Variants in ADGRL1 observed in about 807,000 individuals in gnomAD.
ADGRL1 encodes adhesion G protein-coupled receptor L1, also known as CIRL-1.
Under a neutral mutation model 148.9 loss-of-function variants are expected in ADGRL1, and 31 were observed. That is an observed-to-expected ratio of 0.21 (90% CI 0.16 to 0.28). The LOEUF (loss-of-function observed/expected upper bound fraction) is 0.28. Ranked by LOEUF, ADGRL1 falls within the 10% of genes least tolerant of loss-of-function variation. The probability of loss-of-function intolerance (pLI) is 1.00; values close to 1 mark genes in which losing one functional copy is unlikely to be tolerated. For synonymous variants in ADGRL1, 937 were observed against 900.3 expected (o/e 1.04, Z -0.73); for missense variants, 1,521 against 2,058.8 (o/e 0.74, Z 5.05).
intron 2 of ADGRL1, among the ~76,000 whole-genome samples, chr19:14,182,894 A>G (rs1326169758): frequency 1.3e-5 from 2 of 152,204 alleles, no homozygotes; most frequent in African/African-American, 4.8e-5. Context: ...AATGCCCTTC[A>G]TACAGGGATG....
At chr19:14,173,943 CAA>C (rs774211423) in intron 3 of ADGRL1, among the ~76,000 whole-genome samples, 415 of 32,936 alleles carry the variant, frequency 0.013, 1 homozygote, top group African/African-American at 0.045. Context: ...GACTCCGTCT[CAA>C]AAAAAAAAAA....
chr19:14,183,218 C>CGAGAGAGAGACAGA (rs1555790252), intron 2 of ADGRL1, among the ~76,000 whole-genome samples: 3 of 124,984 alleles, frequency 2.4e-5, no homozygotes, highest in African/African-American at 2.8e-5. Flanking sequence ...AGAGAGAGAG[C>CGAGAGAGAGACAGA]GAGAGAGAGA....
At chr19:14,158,088 G>A (rs1968952397) in intron 12 of ADGRL1, 36 bp from the exon 13 acceptor site, 3 of 1,608,056 alleles carry the variant, frequency 1.9e-6, no homozygotes, top group South Asian at 1.1e-5. Context: ...CATAACTAGA[G>A]TCAGAACCGG....
intron 3 of ADGRL1, among the ~76,000 whole-genome samples, chr19:14,176,783 G>A (rs1334019764): frequency 6.6e-6 from 1 of 151,906 alleles, no homozygotes; most frequent in Non-Finnish European, 1.5e-5. Flanking sequence ...CAGCTGCAGT[G>A]AGCTGTGATT....
At chr19:14,196,373 C>T (rs1972265426) in intron 1 of ADGRL1, among the ~76,000 whole-genome samples, 1 of 152,248 alleles carries the variant, frequency 6.6e-6, no homozygotes, top group Admixed American at 6.5e-5. Context: ...AATCCCAGCA[C>T]TTCAGGAGGC....
chr19:14,162,942 C>A lies in ADGRL1; in HGVS notation c.859G>T (p.Val287Leu), dbSNP rs1475940547. 6.2e-7 allele frequency: 1 copy of A among 1,613,472 alleles called. No individual in the cohort carries two copies. Among genetic ancestry groups the A allele is most frequent in the Non-Finnish European group, 8.5e-7 (1 of 1,179,854 alleles). ...AGTGTGTAGGGGTTCAGCTGGCTCA[C>A]CACCAGCCGCCCGTTGTTGCCCTCA... ...ATEGNNGRLV[V>L]SQLNPYTLRF... Residue 287 changes from valine to leucine, a missense_variant, in exon 5 of 23, where the codon GTG becomes TTG. Physicochemically the swap from Val to Leu is conservative, Grantham distance 32. Coordinates refer to ENST00000361434, the MANE Select transcript of ADGRL1 (RefSeq NM_014921.5). The surrounding 1 kb of genome is among the most constrained non-coding windows in gnomAD (Gnocchi z 5.4).
chr19:14,194,768 G>A (rs1339858140), intron 1 of ADGRL1, among the ~76,000 whole-genome samples: 1 of 151,570 alleles, frequency 6.6e-6, no homozygotes, highest in Non-Finnish European at 1.5e-5. Context: ...ACGCCTGGAC[G>A]TTCTACACCT....
chr19:14,157,228 C>T lies in ADGRL1; in HGVS notation c.2745+23G>A. ...CCCGGCCCCCAGGCGCTGGCCGTCACCTGCCCTAGAGTCCCAGCCCACCTC... is the reference window on the plus strand; with the variant it reads ...CCCGGCCCCCAGGCGCTGGCCGTCATCTGCCCTAGAGTCCCAGCCCACCTC... On this transcript the variant is annotated intron_variant, in intron 14 of 22. Transcript: ENST00000361434. This position sits in a 1 kb window ranked among gnomAD's most constrained non-coding sequence, Gnocchi z 7.5. The T allele has an allele frequency of 6.2e-7, 1 of 1,613,924 alleles. No homozygotes were observed. The highest frequency in any genetic ancestry group is 8.5e-7 in the Non-Finnish European group (1 of 1,179,934).
rs765007152 is a variant in ADGRL1, at chr19:14,158,389, G to A, written c.2313C>T (p.Ser771=). 9 of 1,613,620 alleles carry A rather than the reference G, an allele frequency of 5.6e-6. No individual in the cohort carries two copies. Among genetic ancestry groups the A allele is most frequent in the Non-Finnish European group, 7.6e-6 (9 of 1,180,020 alleles). The stretch of plus-strand genomic sequence containing the variant: ...CAGGGTCCATGAGGAAGACGCGGCT[G>A]GACTCCTTGTTGATGGATGCTGCGA... ...QVIAASINKE[S]SRVFLMDPVI... Residue 771 remains serine (S), a synonymous_variant, in exon 12 of 23, where the codon TCC becomes TCT. Coordinates refer to ENST00000361434, the MANE Select transcript of ADGRL1 (RefSeq NM_014921.5).
intron 1 of ADGRL1, among the ~76,000 whole-genome samples, chr19:14,194,881 T>TC (rs1474099314): frequency 8.4e-6 from 1 of 118,546 alleles, no homozygotes; most frequent in Non-Finnish European, 1.7e-5. Flanking sequence ...CTTTCTTCTC[T>TC]TTTTTTTTTT....
chr19:14,168,501 G>A (rs1970195502), intron 4 of ADGRL1, among the ~76,000 whole-genome samples: 1 of 152,078 alleles, frequency 6.6e-6, no homozygotes, highest in East Asian at 1.9e-4. Flanking sequence ...CCATCAGACA[G>A]GCAGCCACTC....
In ADGRL1 at chr19:14,163,147, G is replaced by C. The variant is rs1177908474; in HGVS notation, c.654C>G (p.Val218=). 2 of 1,614,008 alleles carry C rather than the reference G, an allele frequency of 1.2e-6. No homozygotes were observed. Among genetic ancestry groups the C allele is most frequent in the Non-Finnish European group, 1.7e-6 (2 of 1,180,022 alleles). The change falls in exon 5 of 23, where the codon GTC becomes GTG. Residue 218 remains valine (V), a synonymous_variant. Transcript: ENST00000361434. ...TGCGCGTGCGCTCCTTGTTGTAGAA[G>C]ACGGCACCATCGTAGACCACAAAGC... is the stretch of plus-strand genomic sequence containing the variant. ...GTGFVVYDGA[V]FYNKERTRNI... is the part of the protein sequence containing the mutation.
At chr19:14,158,983 A>G in intron 11 of ADGRL1, 107 bp downstream of exon 11, 2 of 1,365,170 alleles carry the variant, frequency 1.5e-6, no homozygotes, top group Non-Finnish European at 2.0e-6. Context: ...AGCATGAGAA[A>G]AGGTCAGCAC....
chr19:14,182,343 A>G (rs908246643), intron 2 of ADGRL1, among the ~76,000 whole-genome samples: 3 of 152,218 alleles, frequency 2.0e-5, no homozygotes, highest in Admixed American at 6.5e-5. Flanking sequence ...CGCTGGTTCC[A>G]GCCAGGCCCT....
Position 14,159,228 on chromosome 19 carries a change from G to C in ADGRL1, c.2024-13C>G, listed in dbSNP as rs891990930. 4.3e-6 allele frequency: 7 copies of C among 1,613,724 alleles called. No homozygotes were observed. Among genetic ancestry groups the C allele is most frequent in the Middle Eastern group, 1.6e-4 (1 of 6,082 alleles). ...GTGACCTCCAGGACTGTGGGGACAG[G>C]GGAAGGCAAGGCATACACAGTTGGG... On this transcript the variant is annotated splice_polypyrimidine_tract_variant and intron_variant, in intron 10 of 22. Coordinates refer to ENST00000361434, the MANE Select transcript of ADGRL1 (RefSeq NM_014921.5). This position sits in a 1 kb window ranked among gnomAD's most constrained non-coding sequence, Gnocchi z 6.0.
At position 14,158,972 on chromosome 19, in the gene ADGRL1, T is replaced by C; in HGVS notation, c.2149+118A>G. On this transcript the variant is annotated intron_variant, in intron 11 of 22. Coordinates refer to ENST00000361434, the MANE Select transcript of ADGRL1 (RefSeq NM_014921.5). The stretch of plus-strand genomic sequence containing the variant: ...CCATGAATCCCCTCAAATTTTACAC[T>C]AGCATGAGAAAAGGTCAGCACCGCT... The C allele has an allele frequency of 5.5e-6, 7 of 1,282,380 alleles. 1 individual carries two copies. In the South Asian group the frequency reaches 9.6e-5, roughly 18 times the overall value. The allele number at this position is 1,282,380 out of a possible 1,614,324, so 79.4% of individuals were successfully genotyped here. A position where few individuals can be genotyped will look rare whatever the true frequency, so the allele number is the denominator to read the frequency against.
chr19:14,160,804 A>G lies in ADGRL1; in HGVS notation c.1511-108T>C, dbSNP rs958840375. The stretch of plus-strand genomic sequence containing the variant: ...ACAGAGAGTGGGGGACGAGCGGGCG[A>G]AGAGGGAGGTGAGGGAAACACGGAG... On this transcript the variant is annotated intron_variant, in intron 6 of 22. Coordinates refer to ENST00000361434, the MANE Select transcript of ADGRL1 (RefSeq NM_014921.5). The surrounding 1 kb of genome is among the most constrained non-coding windows in gnomAD (Gnocchi z 5.9). 3 of 724,986 alleles carry G rather than the reference A, an allele frequency of 4.1e-6. No homozygotes were observed. The African/African-American group carries it at 5.2e-5, about 13-fold the overall frequency. 44.9% of individuals were successfully genotyped at this position (724,986 alleles called of 1,614,324 possible).
At chr19:14,154,476 T>G (rs1968526966) in intron 18 of ADGRL1, among the ~76,000 whole-genome samples, 1 of 152,194 alleles carries the variant, frequency 6.6e-6, no homozygotes, top group Non-Finnish European at 1.5e-5. Flanking sequence ...TTTTTTTAAA[T>G]AGAGACGGGG....
intron 3 of ADGRL1, among the ~76,000 whole-genome samples, chr19:14,176,295 G>A (rs1447099478): frequency 1.3e-5 from 2 of 152,114 alleles, no homozygotes; most frequent in Non-Finnish European, 2.9e-5. Context: ...AGGTGGCAGT[G>A]AGCCAAGATC....
Sources: gnomAD v4.1 joint callset for allele counts (sites outside exome capture counted in the v4.1 genomes callset) on GRCh38, gnomAD v4.1.1 for gene constraint, Gnocchi (gnomAD v3.1) non-coding constraint, MANE v1.5 for transcripts, NCBI Gene and HGNC (gene_info 2026-07-23, HGNC 2026-07-21) for gene names.